Variants in PPP2R3A observed in about 807,000 individuals in gnomAD.
PPP2R3A encodes the protein protein phosphatase 2 regulatory subunit B''alpha.
PPP2R3A carries 80 observed loss-of-function variants against 106.9 expected under a neutral mutation model. The observed-to-expected ratio is 0.75, with a 90% CI of 0.62 to 0.90. The LOEUF is 0.90. PPP2R3A is among the 40% of genes least tolerant of loss of function. The pLI is 0.00. For synonymous variants in PPP2R3A, 483 were observed against 468.3 expected (o/e 1.03, Z -0.41); for missense variants, 1,386 against 1,350.4 (o/e 1.03, Z -0.41).
intron 1 of PPP2R3A, among the ~76,000 whole-genome samples, chr3:135,991,104 G>A (rs998048804): frequency 1.3e-5 from 2 of 152,122 alleles, no homozygotes; most frequent in Non-Finnish European, 2.9e-5. Context: ...GGGTTTGGCA[G>A]ATCCCCTCTC....
intron 5 of PPP2R3A, among the ~76,000 whole-genome samples, chr3:136,063,476 T>C (rs1214012187): frequency 2.0e-5 from 3 of 152,086 alleles, no homozygotes; most frequent in Non-Finnish European, 4.4e-5. Flanking sequence ...ACCATCAGAG[T>C]GAACAGGCAA....
Position 136,106,281 on chromosome 3 carries a change from G to T in PPP2R3A, c.3288G>T (p.Thr1096=), listed in dbSNP as rs779583751. 1 of 1,613,792 alleles carries T rather than the reference G, an allele frequency of 6.2e-7. No homozygotes were observed. The highest frequency in any genetic ancestry group is 8.5e-7 in the Non-Finnish European group (1 of 1,179,912). ...WDRFAAEEYE[T]LVAEESAQAQ... is the part of the protein sequence containing the mutation. ...GGTTTGCCGCTGAGGAGTATGAGACGCTTGTTGCAGAGGAATCTGCCCAAG... is the reference window on the plus strand; with the variant it reads ...GGTTTGCCGCTGAGGAGTATGAGACTCTTGTTGCAGAGGAATCTGCCCAAG... Residue 1096 remains threonine (T), a synonymous_variant, in exon 13 of 14, where the codon ACG becomes ACT. Transcript: ENST00000264977.
chr3:136,143,642 T>C (rs530777788), intron 13 of PPP2R3A, among the ~76,000 whole-genome samples: 65 of 151,198 alleles, frequency 4.3e-4, no homozygotes, highest in African/African-American at 1.6e-3. Context: ...ATACAAAAAT[T>C]ACCCGGGCAT....
rs184170888 is a variant in PPP2R3A, at chr3:136,013,524, G to T, written c.1995+10031G>T. Among the ~76,000 whole-genome samples the T allele has an allele frequency of 2.9e-3, 435 of 151,978 alleles. 2 individuals are homozygous for T. The highest frequency in any genetic ancestry group is 9.9e-3 in the African/African-American group (412 of 41,490). On this transcript the variant is annotated intron_variant, in intron 2 of 13. Coordinates refer to ENST00000264977, the MANE Select transcript of PPP2R3A (RefSeq NM_002718.5). ...ACCATGCCAATATCTACTATTTTTT[G>T]ATTTTTTAAATTATGGCCATTCTTG... is the stretch of plus-strand genomic sequence containing the variant.
At chr3:136,106,600 C>A in intron 13 of PPP2R3A, 1 of 380,160 alleles carries the variant, frequency 2.6e-6, no homozygotes, top group Non-Finnish European at 4.8e-6. Context: ...TATTGATAAA[C>A]CCTGTACATA....
chr3:136,002,023 T>A lies in PPP2R3A; in HGVS notation c.525T>A (p.Gly175=), dbSNP rs1933644115. The part of the protein sequence containing the change: ...YNNDGNAPSF[G]LLRSSSVEEK... ...ACGATGGGAACGCCCCATCCTTTGG[T>A]TTACTGCGGAGTTCCTCAGTTGAGG... Residue 175 remains glycine, a synonymous_variant, in exon 2 of 14, where the codon GGT becomes GGA. Transcript: ENST00000264977. 1 of 1,613,938 alleles carries A rather than the reference T, an allele frequency of 6.2e-7. No individual in the cohort carries two copies. Among genetic ancestry groups the A allele is most frequent in the Admixed American group, 1.7e-5 (1 of 59,972 alleles).
At chr3:136,008,694 C>T (rs75473989) in intron 2 of PPP2R3A, among the ~76,000 whole-genome samples, 1,647 of 152,206 alleles carry the variant, frequency 0.011, 25 homozygotes, top group African/African-American at 0.033. Context: ...TACATATGCT[C>T]AATATTATTC....
intron 13 of PPP2R3A, among the ~76,000 whole-genome samples, chr3:136,110,356 C>G (rs1216606617): frequency 6.6e-6 from 1 of 152,018 alleles, no homozygotes; most frequent in African/African-American, 2.4e-5. Context: ...ATATCACACT[C>G]CTAAACCAAC....
intron 1 of PPP2R3A, among the ~76,000 whole-genome samples, chr3:135,997,986 A>G (rs1406877374): frequency 6.6e-6 from 1 of 152,172 alleles, no homozygotes; most frequent in Non-Finnish European, 1.5e-5. Flanking sequence ...CTCTAGCCTA[A>G]AAGTCTTTGT....
chr3:136,061,013 A>G (rs908611365), intron 5 of PPP2R3A, among the ~76,000 whole-genome samples: 2 of 152,240 alleles, frequency 1.3e-5, no homozygotes, highest in African/African-American at 2.4e-5. Flanking sequence ...TTATTTGTCA[A>G]TTTAAATAAA....
chr3:136,072,558 A>C (rs1373118913), intron 6 of PPP2R3A, among the ~76,000 whole-genome samples: 1 of 152,156 alleles, frequency 6.6e-6, no homozygotes, highest in Admixed American at 6.5e-5. Context: ...TTGCCCCTGC[A>C]CTCCAGCCTG....
chr3:136,063,075 A>G (rs1196095564), intron 5 of PPP2R3A, among the ~76,000 whole-genome samples: 1 of 152,224 alleles, frequency 6.6e-6, no homozygotes, highest in Non-Finnish European at 1.5e-5. Context: ...AAACAGAGAT[A>G]TAGACCAATG....
At chr3:136,137,611 C>T (rs1356026028) in intron 13 of PPP2R3A, among the ~76,000 whole-genome samples, 4 of 133,294 alleles carry the variant, frequency 3.0e-5, no homozygotes, top group African/African-American at 8.3e-5. Flanking sequence ...GCGCGATCTC[C>T]GCTCACTGCA....
intron 6 of PPP2R3A, among the ~76,000 whole-genome samples, chr3:136,074,248 A>G (rs1936527963): frequency 6.6e-6 from 1 of 152,222 alleles, no homozygotes; most frequent in African/African-American, 2.4e-5. Context: ...TCTATGTATC[A>G]TTGAAAATCT....
intron 1 of PPP2R3A, among the ~76,000 whole-genome samples, chr3:136,000,832 A>G (rs968858502): frequency 6.6e-6 from 1 of 152,218 alleles, no homozygotes; most frequent in Non-Finnish European, 1.5e-5. Flanking sequence ...ATGCAATAAG[A>G]AATTCATCTC....
At chr3:136,060,047 T>G (rs1255088792) in intron 5 of PPP2R3A, among the ~76,000 whole-genome samples, 2 of 152,208 alleles carry the variant, frequency 1.3e-5, no homozygotes, top group African/African-American at 4.8e-5. Flanking sequence ...GCCTAATACC[T>G]GGGTGATGAA....
At chr3:136,129,265 C>T (rs1341035028) in intron 13 of PPP2R3A, among the ~76,000 whole-genome samples, 2 of 149,728 alleles carry the variant, frequency 1.3e-5, no homozygotes, top group African/African-American at 2.4e-5. Context: ...AAAATTGATA[C>T]ACCTCTACCA....
chr3:136,085,955 T>G (rs1936915940), intron 8 of PPP2R3A, among the ~76,000 whole-genome samples: 1 of 151,434 alleles, frequency 6.6e-6, no homozygotes, highest in East Asian at 2.0e-4. Context: ...TTAAAAAATG[T>G]CTTTCAAATG....
chr3:136,032,106 C>T lies in PPP2R3A; in HGVS notation c.2262+5008C>T, dbSNP rs374824295. Among the ~76,000 whole-genome samples, 4 of 152,230 alleles carry T rather than the reference C, an allele frequency of 2.6e-5. No individual in the cohort carries two copies. In the East Asian group the frequency reaches 7.7e-4, roughly 29 times the overall value. On this transcript the variant is annotated intron_variant, in intron 3 of 13. Transcript: ENST00000264977. The stretch of plus-strand genomic sequence containing the variant: ...CATTGAGTCTGTAGATTGCTTTTGG[C>T]AGAATGGTCATTTTCACAATATTGA...
Sources: allele counts gnomAD v4.1 joint callset (sites outside exome capture counted in the v4.1 genomes callset), GRCh38; gene constraint gnomAD v4.1.1; transcripts MANE v1.5; gene names NCBI Gene and HGNC (gene_info 2026-07-23, HGNC 2026-07-21).